Variants in CDH18 observed in about 807,000 individuals in gnomAD.
CDH18 encodes the protein cadherin-18.
In CDH18, 31 loss-of-function variants were observed where a neutral mutation model predicts 67.9. That is an observed-to-expected ratio of 0.46 (90% CI 0.34 to 0.62). The LOEUF is 0.62. Ranked by LOEUF, CDH18 falls within the 20% of genes least tolerant of loss-of-function variation. CDH18 has a pLI of 0.01. For missense variants in CDH18, 890 were observed against 975.5 expected (o/e 0.91, Z 1.17); for synonymous variants, 362 against 347.2 (o/e 1.04, Z -0.48).
chr5:19,761,485 G>A (rs1226563606), intron 3 of CDH18, among the ~76,000 whole-genome samples: 1 of 152,028 alleles, frequency 6.6e-6, no homozygotes, highest in Non-Finnish European at 1.5e-5. Flanking sequence ...AGGACTATCA[G>A]TGTTCTCCAT....
chr5:20,075,675 G>C (rs1253205174), intron 2 of CDH18, among the ~76,000 whole-genome samples: 2 of 152,204 alleles, frequency 1.3e-5, no homozygotes, highest in Non-Finnish European at 2.9e-5. Context: ...AGAAGGCTAA[G>C]TGTTTGTATA....
chr5:20,301,174 T>TG, intron 1 of CDH18, among the ~76,000 whole-genome samples: 1 of 141,046 alleles, frequency 7.1e-6, no homozygotes, highest in South Asian at 2.1e-4. Context: ...AGACAGTGTT[T>TG]TTTTGTTTTT....
intron 11 of CDH18, among the ~76,000 whole-genome samples, chr5:19,484,195 T>C (rs1739979286): frequency 6.6e-6 from 1 of 152,230 alleles, no homozygotes; most frequent in African/African-American, 2.4e-5. Flanking sequence ...CTGCATGATA[T>C]ATTGTGTTCA....
chr5:20,258,764 C>A (rs6869854), intron 1 of CDH18, among the ~76,000 whole-genome samples: 73,762 of 151,894 alleles, frequency 0.49, 18,343 homozygotes, highest in African/African-American at 0.61. Flanking sequence ...AGAGTCCTAA[C>A]ATACCCTAAT....
intron 2 of CDH18, among the ~76,000 whole-genome samples, chr5:20,169,374 A>G (rs533433680): frequency 3.8e-4 from 58 of 152,288 alleles, no homozygotes; most frequent in African/African-American, 1.3e-3. Flanking sequence ...AGCAGTAGAC[A>G]TATTTTAAAT....
chr5:19,602,023 TA>T (rs1195608824), intron 6 of CDH18, among the ~76,000 whole-genome samples: 1 of 152,146 alleles, frequency 6.6e-6, no homozygotes, highest in Non-Finnish European at 1.5e-5. Flanking sequence ...TAAATGCATT[TA>T]CTGTAAGACC....
At chr5:19,971,129 A>C (rs1797978856) in intron 2 of CDH18, among the ~76,000 whole-genome samples, 1 of 151,680 alleles carries the variant, frequency 6.6e-6, no homozygotes, top group Non-Finnish European at 1.5e-5. Context: ...ATTAAAGCAA[A>C]GCATGCTTAT....
intron 2 of CDH18, among the ~76,000 whole-genome samples, chr5:19,921,636 G>A (rs185054729): frequency 1.3e-5 from 2 of 151,402 alleles, no homozygotes; most frequent in South Asian, 4.2e-4. Context: ...CTGTAAAAAC[G>A]AGGAAAACTT....
At chr5:20,152,254 T>C (rs1429990615) in intron 2 of CDH18, among the ~76,000 whole-genome samples, 1 of 146,082 alleles carries the variant, frequency 6.8e-6, no homozygotes, top group Admixed American at 7.0e-5. Context: ...ATAATATAGA[T>C]ACAATTATAT....
intron 1 of CDH18, among the ~76,000 whole-genome samples, chr5:20,341,984 G>A (rs1255864976): frequency 1.3e-5 from 2 of 152,148 alleles, no homozygotes; most frequent in Non-Finnish European, 2.9e-5. Flanking sequence ...TGAAAATGAT[G>A]AACTCAGTGA....
chr5:19,957,140 A>C (rs1479059710), intron 2 of CDH18, among the ~76,000 whole-genome samples: 1 of 151,856 alleles, frequency 6.6e-6, no homozygotes, highest in Non-Finnish European at 1.5e-5. Context: ...GAGCATCTCT[A>C]ATCTCTTTCT....
At chr5:19,909,995 T>C (rs74435328) in intron 2 of CDH18, among the ~76,000 whole-genome samples, 2,877 of 152,254 alleles carry the variant, frequency 0.019, 86 homozygotes, top group African/African-American at 0.066. Flanking sequence ...AGTCTGTGAG[T>C]TCATTCTTGC....
At chr5:19,544,064 C>T (rs1735891395) in intron 8 of CDH18, 59 bp from the exon 9 acceptor site, 1 of 850,330 alleles carries the variant, frequency 1.2e-6, no homozygotes, top group Non-Finnish European at 1.8e-6. Flanking sequence ...ACAACTGAAC[C>T]AAGGAAAGTA....
At chr5:20,089,839 T>C (rs1324741712) in intron 2 of CDH18, among the ~76,000 whole-genome samples, 1 of 152,182 alleles carries the variant, frequency 6.6e-6, no homozygotes, top group Non-Finnish European at 1.5e-5. Context: ...AAAAATAATT[T>C]AGATTTGCCA....
intron 2 of CDH18, among the ~76,000 whole-genome samples, chr5:20,179,503 C>T (rs1257925222): frequency 1.3e-5 from 2 of 152,124 alleles, no homozygotes; most frequent in African/African-American, 4.8e-5. Flanking sequence ...AAAGCAAAAA[C>T]TGACTAAATT....
chr5:19,545,674 T>C (rs1321476157), intron 8 of CDH18, among the ~76,000 whole-genome samples: 1 of 152,186 alleles, frequency 6.6e-6, no homozygotes, highest in Non-Finnish European at 1.5e-5. Flanking sequence ...GTGTTTGACC[T>C]ACTATTTAAT....
chr5:19,489,295 T>A (rs1740920346), intron 11 of CDH18, among the ~76,000 whole-genome samples: 1 of 149,566 alleles, frequency 6.7e-6, no homozygotes, highest in Non-Finnish European at 1.5e-5. Flanking sequence ...TCGCCCAGGC[T>A]GGAGTGCAGT....
chr5:19,642,666 T>C lies in CDH18; in HGVS notation c.644-30065A>G, dbSNP rs541281160. Among the ~76,000 whole-genome samples, 5 of 152,068 alleles carry C rather than the reference T, an allele frequency of 3.3e-5. No individual in the cohort carries two copies. The South Asian group carries it at 8.3e-4, about 25-fold the overall frequency. On this transcript the variant is annotated intron_variant, in intron 5 of 12. Coordinates refer to ENST00000382275, the MANE Select transcript of CDH18 (RefSeq NM_004934.5). ...CCCTTATTCTCACTATTTACAAACG[T>C]CTACCCAAAATGGATTAAAGATTTA... is the stretch of plus-strand genomic sequence containing the variant.
At chr5:19,659,617 T>C (rs537887136) in intron 5 of CDH18, among the ~76,000 whole-genome samples, 284 of 152,212 alleles carry the variant, frequency 1.9e-3, no homozygotes, top group Non-Finnish European at 3.4e-3. Flanking sequence ...GGCGGGGCCA[T>C]TAGGAGATGA....
Sources: allele counts gnomAD v4.1 joint callset (sites outside exome capture counted in the v4.1 genomes callset), GRCh38; gene constraint gnomAD v4.1.1; transcripts MANE v1.5; gene names NCBI Gene and HGNC (gene_info 2026-07-23, HGNC 2026-07-21).